The following MYBL1 variants were observed in gnomAD, a reference collection of about 807,000 sequenced individuals.
MYBL1 encodes MYB proto-oncogene like 1.
In MYBL1, 17 loss-of-function variants were observed where a neutral mutation model predicts 96.3. That is an observed-to-expected ratio of 0.18 (90% CI 0.12 to 0.26). The LOEUF (loss-of-function observed/expected upper bound fraction) is 0.26. Ranked by LOEUF, MYBL1 falls within the 10% of genes least tolerant of loss-of-function variation. The pLI is 1.00. For synonymous variants in MYBL1, 282 were observed against 292.7 expected (o/e 0.96, Z 0.37); for missense variants, 701 against 882.9 (o/e 0.79, Z 2.61).
intron 5 of MYBL1, among the ~76,000 whole-genome samples, chr8:66,596,203 T>C (rs191318726): frequency 1.3e-5 from 2 of 152,054 alleles, no homozygotes; most frequent in Admixed American, 1.3e-4. Flanking sequence ...AAAAGAGCAT[T>C]CCAGATAAAG....
At chr8:66,585,972 TCTAGA>T (rs1220557608) in intron 8 of MYBL1, among the ~76,000 whole-genome samples, 3 of 151,212 alleles carry the variant, frequency 2.0e-5, no homozygotes, top group African/African-American at 7.3e-5. Flanking sequence ...AGGATTAATA[TCTAGA>T]CTAGACAAAA....
rs572025950 is a variant in MYBL1, at chr8:66,579,010, C to G, written c.1101+1123G>C. Among the ~76,000 whole-genome samples, 30 of 151,894 alleles carry G rather than the reference C, an allele frequency of 2.0e-4. No homozygotes were observed. In the South Asian group the frequency reaches 6.2e-3, roughly 32 times the overall value. On this transcript the variant is annotated intron_variant, in intron 9 of 15. Coordinates refer to ENST00000522677, the MANE Select transcript of MYBL1 (RefSeq NM_001080416.4). ...AAACCAAACACTGCATGTTCTCACT[C>G]ATAAATGGGAATTGAACAATGAGAA...
At chr8:66,588,849 G>A (rs966524454) in intron 8 of MYBL1, among the ~76,000 whole-genome samples, 5 of 152,100 alleles carry the variant, frequency 3.3e-5, no homozygotes, top group African/African-American at 4.8e-5. Context: ...ATGAAACCCC[G>A]TTTCTACTAA....
At chr8:66,612,213 T>C (rs1810557508) in intron 1 of MYBL1, 1 of 152,206 alleles carries the variant, frequency 6.6e-6, no homozygotes. Flanking sequence ...GTTGTTACTA[T>C]GTGACATGGT....
In MYBL1 at chr8:66,599,092, A is replaced by C. The variant is rs934868718; in HGVS notation, c.249T>G (p.Pro83=). ...CQHRWQKVLN[P]ELIKGPWTKE... Reference sequence around the variant, plus strand: ...TAGTCCAAGGACCCTTTATCAATTCAGGATTTAAAACTTTCTGCCATCGAT... The same window carrying C: ...TAGTCCAAGGACCCTTTATCAATTCCGGATTTAAAACTTTCTGCCATCGAT... Residue 83 remains proline, a synonymous_variant, in exon 4 of 16, where the codon CCT becomes CCG. Coordinates refer to ENST00000522677, the MANE Select transcript of MYBL1 (RefSeq NM_001080416.4). 1 of 1,601,596 alleles carries C rather than the reference A, an allele frequency of 6.2e-7. No homozygotes were observed. Among genetic ancestry groups the C allele is most frequent in the African/African-American group, 1.3e-5 (1 of 74,426 alleles).
intron 1 of MYBL1, among the ~76,000 whole-genome samples, chr8:66,605,910 T>C (rs1401836742): frequency 6.6e-6 from 1 of 152,206 alleles, no homozygotes; most frequent in East Asian, 1.9e-4. Flanking sequence ...CTACCATTTA[T>C]TTAAAACTTT....
At chr8:66,599,336 G>A (rs992745418) in intron 3 of MYBL1, among the ~76,000 whole-genome samples, 194 bp from the exon 4 acceptor site, 3 of 152,032 alleles carry the variant, frequency 2.0e-5, no homozygotes, top group African/African-American at 7.2e-5. Flanking sequence ...AGTCAACAGG[G>A]CTTAGACTAC....
rs1199899125 is a variant in MYBL1 at position 66,564,123 on chromosome 8, C to A, written c.*574G>T. On this transcript the variant is annotated 3_prime_UTR_variant, in exon 16 of 16. Transcript: ENST00000522677. The stretch of plus-strand genomic sequence containing the variant: ...TTTTGAATGCTTTTTGTTTTCAGTA[C>A]TATGCTCAAATAAATACATTTAACA... The A allele has an allele frequency of 6.6e-6, 1 of 151,932 alleles. No homozygotes were observed. Among genetic ancestry groups the A allele is most frequent in the Non-Finnish European group, 1.5e-5 (1 of 67,780 alleles). The allele number at this position is 151,932 out of a possible 1,614,324, so 9.4% of individuals were successfully genotyped here.
intron 14 of MYBL1, 130 bp downstream of exon 14, chr8:66,566,554 G>T: frequency 1.7e-6 from 1 of 595,532 alleles, no homozygotes; most frequent in Non-Finnish European, 2.8e-6. Flanking sequence ...TGTGAATTAG[G>T]CAAAATGATA....
intron 1 of MYBL1, among the ~76,000 whole-genome samples, chr8:66,609,537 A>C (rs1810447663): frequency 6.6e-6 from 1 of 152,044 alleles, no homozygotes; most frequent in Non-Finnish European, 1.5e-5. Flanking sequence ...CCAGTGGTTA[A>C]TATATGTACT....
At position 66,592,442 on chromosome 8, in the gene MYBL1, A is replaced by T. The variant is rs1260821618; in HGVS notation, c.865T>A (p.Ser289Thr). ...ENEVRRKRIP[S>T]QPGSFSSWSG... is the part of the protein sequence containing the mutation. ...CAAATAACAAGCTTATTTCTTACTG[A>T]TGGAATTCGCTTTCTTCTAACTTCA... The change falls in exon 8 of 16, where the codon TCA becomes ACA. Residue 289 changes from serine (S) to threonine (T), a missense_variant and splice_region_variant. This residue lies in a region of MYBL1 where 396 missense variants were observed against 407.4 expected (regional missense o/e 0.97). Transcript: ENST00000522677. 2 of 1,571,674 alleles carry T rather than the reference A, an allele frequency of 1.3e-6. No individual in the cohort carries two copies. The highest frequency in any genetic ancestry group is 2.7e-5 in the African/African-American group (2 of 73,580).
chr8:66,569,010 G>A (rs1371458607), intron 12 of MYBL1, among the ~76,000 whole-genome samples: 1 of 152,018 alleles, frequency 6.6e-6, no homozygotes. Flanking sequence ...GGCAACAAGG[G>A]TGAAACTCCA....
chr8:66,605,521 T>C (rs938236767), intron 1 of MYBL1, among the ~76,000 whole-genome samples: 1 of 152,160 alleles, frequency 6.6e-6, no homozygotes, highest in Non-Finnish European at 1.5e-5. Flanking sequence ...CAAGCCTTAA[T>C]GATAAACTGA....
chr8:66,593,061 G>A, intron 7 of MYBL1, 59 bp downstream of exon 7: 1 of 1,084,404 alleles, frequency 9.2e-7, no homozygotes, highest in Non-Finnish European at 1.4e-6. Flanking sequence ...GATACTATTA[G>A]GCTTTTAAAA....
chr8:66,588,064 T>C (rs562059366), intron 8 of MYBL1, among the ~76,000 whole-genome samples: 1 of 152,290 alleles, frequency 6.6e-6, no homozygotes, highest in African/African-American at 2.4e-5. Flanking sequence ...TTATTTTCCA[T>C]TTCATTAGCA....
chr8:66,575,725 G>C (rs1808911033), intron 10 of MYBL1, among the ~76,000 whole-genome samples: 1 of 152,112 alleles, frequency 6.6e-6, no homozygotes. Flanking sequence ...CGGTGGTTGA[G>C]GTTGCGGTGA....
At position 66,612,865 on chromosome 8, in the gene MYBL1, T is replaced by C; in HGVS notation, c.-27A>G. 7.4e-7 allele frequency: 1 copy of C among 1,349,996 alleles called. No homozygotes were observed. Among genetic ancestry groups the C allele is most frequent in the Non-Finnish European group, 9.6e-7 (1 of 1,040,666 alleles). 83.6% of individuals were successfully genotyped at this position (1,349,996 alleles called of 1,614,324 possible). A position where few individuals can be genotyped will look rare whatever the true frequency, so the allele number is the denominator to read the frequency against. ...CTTCAAGTACCGCATAGGAGCAGGC[T>C]GGGCGGGGACGCGGGTCAGCCTCCT... On this transcript the variant is annotated 5_prime_UTR_variant, in exon 1 of 16. Coordinates refer to ENST00000522677, the MANE Select transcript of MYBL1 (RefSeq NM_001080416.4).
intron 1 of MYBL1, among the ~76,000 whole-genome samples, chr8:66,607,752 C>T (rs1172373188): frequency 1.3e-5 from 2 of 150,528 alleles, no homozygotes; most frequent in Non-Finnish European, 3.0e-5. Flanking sequence ...GCAGAACCTG[C>T]TGAAACAAAC....
chr8:66,598,043 T>C (rs1158312178), intron 4 of MYBL1, among the ~76,000 whole-genome samples: 3 of 152,174 alleles, frequency 2.0e-5, no homozygotes, highest in African/African-American at 7.2e-5. Flanking sequence ...AGAATAGTTA[T>C]TCCAGCCCAC....
Sources: gnomAD v4.1 joint callset for allele counts (sites outside exome capture counted in the v4.1 genomes callset) on GRCh38, gnomAD v4.1.1 for gene constraint, gnomAD v4.1.1 regional missense constraint, MANE v1.5 for transcripts, NCBI Gene and HGNC (gene_info 2026-07-23, HGNC 2026-07-21) for gene names.